CFAP47: variants seen among roughly 807,000 people sequenced by gnomAD.
The protein encoded by CFAP47 is cilia and flagella associated protein 47, also known as cilia- and flagella-associated protein 47.
CFAP47 carries 29 observed loss-of-function variants against 148.1 expected under a neutral mutation model. That is an observed-to-expected ratio of 0.20 (90% confidence interval 0.15 to 0.27). CFAP47 has a LOEUF of 0.27. Ranked by LOEUF, CFAP47 falls within the 10% of genes least tolerant of loss-of-function variation. CFAP47 has a pLI of 1.00. For missense variants in CFAP47, 1,872 were observed against 1,697.5 expected, an observed-to-expected ratio of 1.10 and a Z score of -1.81; for synonymous variants, 664 against 577.3, an observed-to-expected ratio of 1.15 and a Z score of -2.15.
chrX:36,192,616 G>A (rs782778473), intron 42 of CFAP47, among the ~76,000 whole-genome samples: 11 of 111,383 alleles, frequency 9.9e-5, no homozygotes, highest in Admixed American at 5.7e-4. Context: ...AGTTAACAGC[G>A]GGTTCCAGTT....
intron 59 of CFAP47, among the ~76,000 whole-genome samples, chrX:36,351,358 C>T (rs1941741561): frequency 9.0e-6 from 1 of 111,378 alleles, no homozygotes; most frequent in African/African-American, 3.3e-5. Context: ...TATTTTATTT[C>T]CTTCCAGAAG....
chrX:36,099,541 G>C (rs1938337388), intron 31 of CFAP47, among the ~76,000 whole-genome samples: 1 of 106,586 alleles, frequency 9.4e-6, no homozygotes. Context: ...TGATCTAGTA[G>C]GTGCGTTGAA....
Position 36,236,075 on chromosome X carries a change from A to G in CFAP47, c.7156A>G (p.Thr2386Ala). ...TFKPIFECVI[T>A]GKLILQNEVD... Reference sequence around the variant, plus strand: ...CAAACCTATTTTTGAATGTGTCATTACGGTATGAACTCCTTGATATTTTCC... The same window carrying G: ...CAAACCTATTTTTGAATGTGTCATTGCGGTATGAACTCCTTGATATTTTCC... The change falls in exon 47 of 64, where the codon ACG becomes GCG. Residue 2386 changes from threonine (T) to alanine (A), a missense_variant and splice_region_variant. Transcript: ENST00000378653. 2 of 477,038 alleles carry G rather than the reference A, an allele frequency of 4.2e-6. No individual in the cohort carries two copies. Among genetic ancestry groups the G allele is most frequent in the Non-Finnish European group, 7.5e-6 (2 of 266,307 alleles). 39.3% of individuals were successfully genotyped at this position (477,038 alleles called of 1,213,427 possible).
intron 49 of CFAP47, among the ~76,000 whole-genome samples, chrX:36,274,048 A>G (rs1282621389): frequency 8.9e-6 from 1 of 111,789 alleles, no homozygotes; most frequent in Non-Finnish European, 1.9e-5. Flanking sequence ...TCTCTTCACC[A>G]ATTTTTATTT....
chrX:36,232,933 G>A (rs1189729355), intron 46 of CFAP47, among the ~76,000 whole-genome samples: 1 of 112,166 alleles, frequency 8.9e-6, no homozygotes, highest in Non-Finnish European at 1.9e-5. Flanking sequence ...TTTTGAGTGA[G>A]TTTCTTAATC....
At chrX:36,142,396 A>G (rs1333291542) in intron 35 of CFAP47, among the ~76,000 whole-genome samples, 1 of 111,148 alleles carries the variant, frequency 9.0e-6, no homozygotes, top group Non-Finnish European at 1.9e-5. Context: ...GCATTTTGTT[A>G]ATCTAGTAGG....
chrX:36,106,742 C>T (rs762311336), intron 33 of CFAP47, among the ~76,000 whole-genome samples: 4 of 111,768 alleles, frequency 3.6e-5, no homozygotes, highest in African/African-American at 1.3e-4. Flanking sequence ...ACATACTGTG[C>T]GGTTTCAACT....
chrX:36,333,372 TC>T (rs1941580057), intron 57 of CFAP47, among the ~76,000 whole-genome samples: 1 of 110,169 alleles, frequency 9.1e-6, no homozygotes. Flanking sequence ...ACCTGACTCT[TC>T]CCTGAGAAGA....
chrX:36,201,491 G>A lies in CFAP47; in HGVS notation c.6654G>A (p.Thr2218=). ...TGGCCATCGCCCTCCTGGGACTGAC[G>A]AAGATCGAGGTGGGAATGGAGTAAT... The part of the protein sequence containing the change: ...IRVAIALLGL[T]KIETLMLFRI... Residue 2218 remains threonine (T), a synonymous_variant, in exon 44 of 64, where the codon ACG becomes ACA. Transcript: ENST00000378653. 3.4e-6 allele frequency: 1 copy of A among 296,876 alleles called. No homozygotes were observed. Among genetic ancestry groups the A allele is most frequent in the Admixed American group, 6.1e-5 (1 of 16,412 alleles). 24.5% of individuals were successfully genotyped at this position (296,876 alleles called of 1,213,427 possible). A position where few individuals can be genotyped will look rare whatever the true frequency, so the allele number is the denominator to read the frequency against.
chrX:35,948,772 G>A (rs188992176), intron 4 of CFAP47, among the ~76,000 whole-genome samples: 83 of 107,340 alleles, frequency 7.7e-4, no homozygotes, highest in African/African-American at 2.8e-3. Flanking sequence ...GCAAAGAGCA[G>A]TGATGTGATT....
At chrX:36,020,777 T>G (rs1937148797) in intron 22 of CFAP47, among the ~76,000 whole-genome samples, 1 of 111,995 alleles carries the variant, frequency 8.9e-6, no homozygotes, top group Middle Eastern at 4.6e-3. Context: ...TCACTGGGTC[T>G]TGTACTTTTA....
chrX:36,203,971 C>T (rs1555988466), intron 44 of CFAP47, among the ~76,000 whole-genome samples: 1 of 111,637 alleles, frequency 9.0e-6, no homozygotes, highest in Non-Finnish European at 1.9e-5. Flanking sequence ...AAATAGGAGG[C>T]CTCAGTCTGT....
intron 28 of CFAP47, among the ~76,000 whole-genome samples, chrX:36,072,403 G>A (rs781693590): frequency 2.2e-3 from 251 of 112,018 alleles, no homozygotes; most frequent in Non-Finnish European, 3.1e-3. Flanking sequence ...CAGAACTAAG[G>A]ACTTGTCTCT....
intron 45 of CFAP47, among the ~76,000 whole-genome samples, chrX:36,219,932 C>T (rs1458415420): frequency 9.0e-6 from 1 of 111,391 alleles, no homozygotes; most frequent in Admixed American, 9.5e-5. Flanking sequence ...GGGTGTGCAT[C>T]CTCAACCTTG....
chrX:36,138,593 C>A, intron 35 of CFAP47, 129 bp downstream of exon 35: 1 of 698,583 alleles, frequency 1.4e-6, no homozygotes, highest in Non-Finnish European at 1.9e-6. Context: ...TGAGACATTG[C>A]TAAAATGTAG....
intron 29 of CFAP47, among the ~76,000 whole-genome samples, chrX:36,082,081 GTTTTAT>G (rs748983476): frequency 8.9e-6 from 1 of 111,732 alleles, no homozygotes; most frequent in East Asian, 2.8e-4. Context: ...GAAAACCCTA[GTTTTAT>G]TTTTATTTTT....
intron 18 of CFAP47, among the ~76,000 whole-genome samples, chrX:35,996,887 G>C (rs1455236875): frequency 1.8e-5 from 2 of 111,710 alleles, no homozygotes; most frequent in African/African-American, 6.5e-5. Flanking sequence ...GCAATTTTTA[G>C]TTAGTCTCAT....
intron 23 of CFAP47, among the ~76,000 whole-genome samples, chrX:36,031,642 A>G (rs1478624192): frequency 9.1e-6 from 1 of 109,872 alleles, no homozygotes; most frequent in African/African-American, 3.3e-5. Context: ...AAATTATTCC[A>G]TTCTCCTTAT....
intron 17 of CFAP47, among the ~76,000 whole-genome samples, chrX:35,992,506 A>T (rs994183664): frequency 9.0e-6 from 1 of 111,114 alleles, no homozygotes; most frequent in Non-Finnish European, 1.9e-5. Context: ...TTTCTGCCCA[A>T]ATTAAGTCTT....
Sources: allele counts gnomAD v4.1 joint callset (sites outside exome capture counted in the v4.1 genomes callset), GRCh38; gene constraint gnomAD v4.1.1; transcripts MANE v1.5; gene names NCBI Gene and HGNC (gene_info 2026-07-23, HGNC 2026-07-21).